The following SLC11A2 variants were observed in gnomAD, a reference collection of about 807,000 sequenced individuals.
SLC11A2 encodes the protein solute carrier family 11 member 2, also known as natural resistance-associated macrophage protein 2.
A neutral mutation model predicts 68.0 loss-of-function variants in SLC11A2; 38 were observed. The ratio of observed to expected loss-of-function variants is 0.56; its 90% CI spans 0.43 to 0.73. The LOEUF (loss-of-function observed/expected upper bound fraction) is 0.73. Ranked by LOEUF, SLC11A2 falls within the 30% of genes least tolerant of loss-of-function variation. The pLI is 0.00. For synonymous variants in SLC11A2, 242 were observed against 250.6 expected (o/e 0.97, Z 0.32); for missense variants, 517 against 690.5 (o/e 0.75, Z 2.82).
chr12:51,014,186 AT>A (rs1182750197), intron 1 of SLC11A2: 1 of 152,376 alleles, frequency 6.6e-6, no homozygotes, highest in Non-Finnish European at 1.5e-5. Flanking sequence ...CAGAGAGGCC[AT>A]GCTAATCTTC....
intron 1 of SLC11A2, chr12:51,025,613 T>C (rs1470308305): frequency 1.2e-5 from 4 of 328,562 alleles, no homozygotes; most frequent in Non-Finnish European, 1.7e-5. Flanking sequence ...ATTTAAGCGG[T>C]AGCTTTAAAA....
intron 11 of SLC11A2, among the ~76,000 whole-genome samples, chr12:50,994,008 A>AAAAAAAAAAAAAAAAC: frequency 6.6e-6 from 1 of 150,452 alleles, no homozygotes; most frequent in Non-Finnish European, 1.5e-5. Context: ...AAAAAAAAAA[A>AAAAAAAAAAAAAAAAC]AAAAAAAAAG....
rs7312269 is a variant in SLC11A2 at position 51,010,655 on chromosome 12, T to G, written c.34+40A>C. 7,582 of 1,142,312 alleles carry G rather than the reference T, an allele frequency of 6.6e-3. 369 individuals carry two copies. The African/African-American group carries it at 0.1, about 15-fold the overall frequency. The allele number at this position is 1,142,312 out of a possible 1,614,324, so 70.8% of individuals were successfully genotyped here. ...TTTCTGTTACCAACATAAACCTAAT[T>G]ACAAATAAAATTAGACAATAACACA... On this transcript the variant is annotated intron_variant, in intron 2 of 15. Transcript: ENST00000262052.
chr12:51,005,715 A>G (rs1212706004), intron 3 of SLC11A2: 1 of 1,303,960 alleles, frequency 7.7e-7, no homozygotes, highest in African/African-American at 1.5e-5. Flanking sequence ...CTCTGTGCCC[A>G]AACACTTCCC....
chr12:50,977,186 A>T (rs549896043), downstream of SLC11A2, among the ~76,000 whole-genome samples: 23 of 152,352 alleles, frequency 1.5e-4, no homozygotes, highest in East Asian at 3.9e-3. Flanking sequence ...CTGCATTGCC[A>T]AGTCAATCCT....
In SLC11A2 at chr12:50,986,054, A is replaced by G. The variant is rs1241408437; in HGVS notation, c.*2271T>C. 8.1e-7 allele frequency: 1 copy of G among 1,241,242 alleles called. No homozygotes were observed. The highest frequency in any genetic ancestry group is 5.7e-5 in the East Asian group (1 of 17,434). The allele number at this position is 1,241,242 out of a possible 1,614,324, so 76.9% of individuals were successfully genotyped here. On this transcript the variant is annotated 3_prime_UTR_variant, in exon 16 of 16. Coordinates refer to ENST00000262052, the MANE Select transcript of SLC11A2 (RefSeq NM_000617.3). ...TTACATACGGTTAAATGGTTACTAA[A>G]AGCTCAGTTGTAACCACTCCTAACA... is the stretch of plus-strand genomic sequence containing the variant.
chr12:51,023,565 C>CA (rs1392591268), intron 1 of SLC11A2, among the ~76,000 whole-genome samples: 4 of 152,206 alleles, frequency 2.6e-5, no homozygotes, highest in Non-Finnish European at 5.9e-5. Flanking sequence ...ATGTTTTACT[C>CA]AAACTACAGA....
chr12:50,955,733 ATAATT>A, the SLC11A2 span, among the ~76,000 whole-genome samples: 1 of 152,230 alleles, frequency 6.6e-6, no homozygotes, highest in Non-Finnish European at 1.5e-5. Context: ...ATGGAAGCAA[ATAATT>A]TAATAGTGAT....
Position 50,995,795 on chromosome 12 carries a change from G to C in SLC11A2, c.832-8C>G. 1 of 1,613,718 alleles carries C rather than the reference G, an allele frequency of 6.2e-7. No homozygotes were observed. Among genetic ancestry groups the C allele is most frequent in the Non-Finnish European group, 8.5e-7 (1 of 1,179,612 alleles). ...CCGGTTTACCTGTCTAGACTAGAAA[G>C]ATAACAACAGCAGTCACTTTTTGAC... is the stretch of plus-strand genomic sequence containing the variant. On this transcript the variant is annotated splice_region_variant and splice_polypyrimidine_tract_variant and intron_variant, in intron 9 of 15. Coordinates refer to ENST00000262052, the MANE Select transcript of SLC11A2 (RefSeq NM_000617.3).
chr12:51,013,645 T>C (rs1311961834), intron 1 of SLC11A2, among the ~76,000 whole-genome samples: 1 of 151,664 alleles, frequency 6.6e-6, no homozygotes, highest in African/African-American at 2.4e-5. Flanking sequence ...GAGACTGAAC[T>C]AGGAGAACTG....
At position 51,025,974 on chromosome 12, in the gene SLC11A2, G is replaced by C. The variant is rs540881509; in HGVS notation, c.-39+336C>G. On this transcript the variant is annotated intron_variant, in intron 1 of 15. Coordinates refer to ENST00000262052, the MANE Select transcript of SLC11A2 (RefSeq NM_000617.3). ...TTTCGAGGCGTCGAAGCAGGTCAGCGCACCCCGACACAGGCCGGGCGCGCC... is the reference window on the plus strand; with the variant it reads ...TTTCGAGGCGTCGAAGCAGGTCAGCCCACCCCGACACAGGCCGGGCGCGCC... The C allele has an allele frequency of 4.3e-5, 44 of 1,016,164 alleles. No homozygotes were observed. In the African/African-American group the frequency reaches 7.0e-4, roughly 16 times the overall value. The allele number at this position is 1,016,164 out of a possible 1,614,324, so 62.9% of individuals were successfully genotyped here.
At chr12:50,993,596 G>GA (rs1468524568) in intron 11 of SLC11A2, among the ~76,000 whole-genome samples, 1 of 151,784 alleles carries the variant, frequency 6.6e-6, no homozygotes, top group African/African-American at 2.4e-5. Context: ...GAGGCCGAGG[G>GA]GGGGGTGGAT....
rs528342876 is a variant in SLC11A2, at chr12:50,993,585, G to T, written c.1078-656C>A. ...TCACACCTGTAATCCCAGCACTTTG[G>T]GAGGCCGAGGGGGGGGTGGATCACC... On this transcript the variant is annotated intron_variant, in intron 11 of 15. Coordinates refer to ENST00000262052, the MANE Select transcript of SLC11A2 (RefSeq NM_000617.3). Among the ~76,000 whole-genome samples the T allele has an allele frequency of 2.1e-4, 31 of 149,866 alleles. No homozygotes were observed. In the East Asian group the frequency reaches 2.3e-3, roughly 11 times the overall value.
At chr12:50,989,665 G>T (rs2136174006) in intron 15 of SLC11A2, among the ~76,000 whole-genome samples, 1 of 152,298 alleles carries the variant, frequency 6.6e-6, no homozygotes, top group South Asian at 2.1e-4. Flanking sequence ...TTTCCTTGAA[G>T]TTAAGTTCCT....
chr12:51,000,494 C>T (rs920469141), intron 5 of SLC11A2, 75 bp from the exon 6 acceptor site: 6 of 1,115,380 alleles, frequency 5.4e-6, no homozygotes, highest in Non-Finnish European at 8.1e-6. Context: ...TTGGAATTCA[C>T]ATTTTGGCAC....
At chr12:50,977,667 G>C (rs977959902), downstream of SLC11A2, among the ~76,000 whole-genome samples, 1 of 151,982 alleles carries the variant, frequency 6.6e-6, no homozygotes, top group Non-Finnish European at 1.5e-5. Flanking sequence ...AAACTAAAGA[G>C]CTTCTGCACA....
chr12:51,017,877 G>C (rs530498434), intron 1 of SLC11A2, among the ~76,000 whole-genome samples: 19 of 152,188 alleles, frequency 1.2e-4, no homozygotes, highest in Middle Eastern at 3.4e-3. Context: ...GTTCCCTCAA[G>C]GCACCCACTG....
At chr12:51,009,968 G>A (rs1419213557) in intron 2 of SLC11A2, among the ~76,000 whole-genome samples, 1 of 152,000 alleles carries the variant, frequency 6.6e-6, no homozygotes, top group Non-Finnish European at 1.5e-5. Context: ...GACCACCTGA[G>A]GTCAGGAGTT....
chr12:51,004,738 C>T (rs778388453), intron 5 of SLC11A2, 50 bp downstream of exon 5: 14 of 1,607,236 alleles, frequency 8.7e-6, no homozygotes, highest in Non-Finnish European at 1.2e-5. Flanking sequence ...GCCAGACACA[C>T]AGATTCCTAT....
Sources: gnomAD v4.1 joint callset for allele counts (sites outside exome capture counted in the v4.1 genomes callset) on GRCh38, gnomAD v4.1.1 for gene constraint, MANE v1.5 for transcripts, NCBI Gene and HGNC (gene_info 2026-07-23, HGNC 2026-07-21) for gene names.